Variants in RPH3A observed in about 807,000 individuals in gnomAD.
RPH3A encodes rabphilin-3A.
In RPH3A, 48 loss-of-function variants were observed where a neutral mutation model predicts 102.2. That is an observed-to-expected ratio of 0.47 (90% CI 0.37 to 0.60). The LOEUF is 0.60. RPH3A is among the 20% of genes least tolerant of loss of function. RPH3A has a pLI of 0.00. For missense variants in RPH3A, 781 were observed against 910.1 expected, an observed-to-expected ratio of 0.86 and a Z score of 1.83; for synonymous variants, 310 against 324.3, an observed-to-expected ratio of 0.96 and a Z score of 0.47.
rs548645974 is a variant in RPH3A, at chr12:112,836,593, T to C, written c.83+91T>C. The C allele has an allele frequency of 1.8e-5, 10 of 553,852 alleles. No individual in the cohort carries two copies. In the African/African-American group the frequency reaches 2.0e-4, roughly 11 times the overall value. The allele number at this position is 553,852 out of a possible 1,614,324, so 34.3% of individuals were successfully genotyped here. A position where few individuals can be genotyped will look rare whatever the true frequency, so the allele number is the denominator to read the frequency against. On this transcript the variant is annotated intron_variant, in intron 4 of 21. Coordinates refer to ENST00000389385, the MANE Select transcript of RPH3A (RefSeq NM_001143854.2). Reference sequence around the variant, plus strand: ...AAGGTGGCTTTCCCCTAAAGAGAGATGGTTAAAAAAGGAACTAGCAAATTT... The same window carrying C: ...AAGGTGGCTTTCCCCTAAAGAGAGACGGTTAAAAAAGGAACTAGCAAATTT...
intron 2 of RPH3A, among the ~76,000 whole-genome samples, chr12:112,826,632 T>C (rs1267872540): frequency 6.6e-6 from 1 of 152,208 alleles, no homozygotes; most frequent in Non-Finnish European, 1.5e-5. Context: ...CCAATTTCTG[T>C]CACTACCAAA....
intron 2 of RPH3A, among the ~76,000 whole-genome samples, chr12:112,811,087 A>G (rs1181359500): frequency 6.6e-6 from 1 of 152,144 alleles, no homozygotes; most frequent in Non-Finnish European, 1.5e-5. Context: ...ACTGAACCAC[A>G]TTGCTCCTAG....
At chr12:112,790,614 G>A (rs1406718258), upstream of RPH3A, among the ~76,000 whole-genome samples, 1 of 152,184 alleles carries the variant, frequency 6.6e-6, no homozygotes, top group Non-Finnish European at 1.5e-5. Flanking sequence ...AGGAGGAATA[G>A]GACTCTTGAG....
intron 1 of RPH3A, among the ~76,000 whole-genome samples, chr12:112,663,059 G>GGTGTGTGTGT (rs60392620): frequency 0.058 from 8,133 of 141,130 alleles, 412 homozygotes; most frequent in Admixed American, 0.11. Flanking sequence ...CTAAGTGATT[G>GGTGTGTGTGT]GTGTGTGTGT....
chr12:112,821,012 G>A lies in RPH3A; in HGVS notation c.-18-7289G>A, dbSNP rs192991773. The stretch of plus-strand genomic sequence containing the variant: ...AGCTCTTGTCGTTTCAGCCTTAGTC[G>A]GCTTCAGGGAAGGCTGAGAATGTCC... On this transcript the variant is annotated intron_variant, in intron 2 of 21. Transcript: ENST00000389385. Among the ~76,000 whole-genome samples the A allele has an allele frequency of 3.5e-4, 53 of 152,274 alleles. No individual in the cohort carries two copies. In the East Asian group the frequency reaches 8.3e-3, roughly 24 times the overall value.
intron 5 of RPH3A, among the ~76,000 whole-genome samples, chr12:112,858,702 T>G (rs959823018): frequency 6.6e-6 from 1 of 152,262 alleles, no homozygotes; most frequent in Non-Finnish European, 1.5e-5. Context: ...CACTGTCTAC[T>G]TGGCACATAG....
intron 1 of RPH3A, among the ~76,000 whole-genome samples, chr12:112,670,832 C>T (rs999320404): frequency 2.6e-5 from 4 of 152,188 alleles, no homozygotes; most frequent in South Asian, 2.1e-4. Context: ...CACACCATCA[C>T]TTTCATGACA....
chr12:112,691,061 G>T (rs1245358378), intron 1 of RPH3A, among the ~76,000 whole-genome samples: 1 of 150,252 alleles, frequency 6.7e-6, no homozygotes, highest in African/African-American at 2.5e-5. Context: ...GTCTCGCTCT[G>T]TCGCCCAGGC....
chr12:112,799,705 G>A (rs772778497), intron 2 of RPH3A, among the ~76,000 whole-genome samples: 3 of 152,144 alleles, frequency 2.0e-5, no homozygotes, highest in Non-Finnish European at 4.4e-5. Context: ...CCCTGTCCCT[G>A]ACAAGACTGA....
At chr12:112,830,859 AG>A (rs1490700062) in intron 3 of RPH3A, among the ~76,000 whole-genome samples, 1 of 151,946 alleles carries the variant, frequency 6.6e-6, no homozygotes, top group African/African-American at 2.4e-5. Context: ...GCGAGTATAA[AG>A]GGTATTTTTA....
chr12:112,646,688 C>G (rs1566241029), intron 1 of RPH3A, among the ~76,000 whole-genome samples: 1 of 152,196 alleles, frequency 6.6e-6, no homozygotes, highest in Admixed American at 6.5e-5. Context: ...AAGTGGTGTC[C>G]CCTCTCTGAG....
chr12:112,691,148 C>G (rs1477359687), intron 1 of RPH3A, among the ~76,000 whole-genome samples: 2 of 152,298 alleles, frequency 1.3e-5, no homozygotes, highest in East Asian at 3.9e-4. Context: ...GTCAGCCTCT[C>G]CAAGTAGCTG....
intron 1 of RPH3A, among the ~76,000 whole-genome samples, chr12:112,659,568 A>T (rs2040035860): frequency 6.6e-6 from 1 of 152,146 alleles, no homozygotes; most frequent in Non-Finnish European, 1.5e-5. Flanking sequence ...TGATCACTTG[A>T]TTAAGGTAGT....
chr12:112,821,354 G>C (rs948454680), intron 2 of RPH3A, among the ~76,000 whole-genome samples: 97 of 152,216 alleles, frequency 6.4e-4, no homozygotes, highest in African/African-American at 2.3e-3. Context: ...AGGCTTTCTG[G>C]GTCTCCTGCA....
At chr12:112,854,205 C>T (rs1030603337) in intron 5 of RPH3A, among the ~76,000 whole-genome samples, 4 of 152,230 alleles carry the variant, frequency 2.6e-5, no homozygotes, top group African/African-American at 4.8e-5. Flanking sequence ...GTTGCAACAA[C>T]TAAAAATGTC....
intron 1 of RPH3A, among the ~76,000 whole-genome samples, chr12:112,698,500 T>G (rs1483943259): frequency 6.6e-6 from 1 of 152,064 alleles, no homozygotes; most frequent in Non-Finnish European, 1.5e-5. Flanking sequence ...AACACATAGC[T>G]GATAAGTGAC....
At chr12:112,651,943 C>T (rs962358292) in intron 1 of RPH3A, 1 of 152,182 alleles carries the variant, frequency 6.6e-6, no homozygotes, top group Non-Finnish European at 1.5e-5. Context: ...TTTTTAAAGG[C>T]TGAATAATAT....
chr12:112,865,721 C>A, intron 6 of RPH3A, 178 bp downstream of exon 6: 1 of 589,204 alleles, frequency 1.7e-6, no homozygotes. Context: ...CAACGTAACC[C>A]TGATCCTGGT....
intron 1 of RPH3A, among the ~76,000 whole-genome samples, chr12:112,728,366 A>G (rs1320262253): frequency 6.6e-6 from 1 of 150,754 alleles, no homozygotes; most frequent in Non-Finnish European, 1.5e-5. Flanking sequence ...TTAAGCTTCT[A>G]TTTTTTTTTC....
Sources: gnomAD v4.1 joint callset for allele counts (sites outside exome capture counted in the v4.1 genomes callset) on GRCh38, gnomAD v4.1.1 for gene constraint, MANE v1.5 for transcripts, NCBI Gene and HGNC (gene_info 2026-07-23, HGNC 2026-07-21) for gene names.